The following PNKD variants were observed in gnomAD, a reference collection of about 807,000 sequenced individuals.
PNKD encodes PNKD metallo-beta-lactamase domain containing.
Under a neutral mutation model 45.3 loss-of-function variants are expected in PNKD, and 36 were observed. The ratio of observed to expected loss-of-function variants is 0.80; its 90% confidence interval spans 0.61 to 1.05. The LOEUF (loss-of-function observed/expected upper bound fraction) is 1.05. Among genes scored for constraint, PNKD ranks in the 50% least tolerant of loss-of-function variants. The pLI is 0.00. For synonymous variants in PNKD, 197 were observed against 210.1 expected, an observed-to-expected ratio of 0.94 and a Z score of 0.54; for missense variants, 511 against 506.6, an observed-to-expected ratio of 1.01 and a Z score of -0.08.
In PNKD at chr2:218,293,602, T is replaced by TTC. The variant is rs56393839; in HGVS notation, c.236+22053_236+22054insTC. On this transcript the variant is annotated intron_variant, in intron 2 of 9. Transcript: ENST00000273077. Reference sequence around the variant, plus strand: ...GTCCTTTTTTTTTTTTTTTTTTTTTTCCAGACAGGGTCTCGCTCTGTCACC... The same window carrying TTC: ...GTCCTTTTTTTTTTTTTTTTTTTTTTTCCCAGACAGGGTCTCGCTCTGTCACC... 3.0e-3 allele frequency among the ~76,000 whole-genome samples: 444 copies of TTC among 147,394 alleles called. 7 individuals carry two copies. Among genetic ancestry groups the TTC allele is most frequent in the African/African-American group, 0.011 (420 of 39,868 alleles).
At chr2:218,293,578 T>TC (rs1440779455) in intron 2 of PNKD, among the ~76,000 whole-genome samples, 2 of 105,666 alleles carry the variant, frequency 1.9e-5, no homozygotes, top group Non-Finnish European at 4.1e-5. Context: ...CCACTGAATG[T>TC]CCTTTTTTTT....
chr2:218,343,664 C>G, intron 8 of PNKD, 78 bp downstream of exon 8: 1 of 1,098,488 alleles, frequency 9.1e-7, no homozygotes, highest in Non-Finnish European at 1.4e-6. Context: ...CCCCCTCACT[C>G]CCCTAGAAAG....
intron 2 of PNKD, chr2:218,277,169 C>T: frequency 7.3e-7 from 1 of 1,368,684 alleles, no homozygotes; most frequent in African/African-American, 1.4e-5. Flanking sequence ...CTGGCCCTGC[C>T]AGGGAGTCCC....
rs369221098 is a variant in PNKD, at chr2:218,340,888, C to A, written c.524+102C>A. ...GGGGCCAGAGATCAAGAAGTCAGTA[C>A]GGGCCGGCACCCGCCTTCCTCGTGA... On this transcript the variant is annotated intron_variant, in intron 5 of 9. Transcript: ENST00000273077. This position sits in a 1 kb window ranked among gnomAD's most constrained non-coding sequence, Gnocchi z 4.2. The A allele has an allele frequency of 2.1e-6, 2 of 952,910 alleles. No homozygotes were observed. Among genetic ancestry groups the A allele is most frequent in the Non-Finnish European group, 3.4e-6 (2 of 581,532 alleles). The allele number at this position is 952,910 out of a possible 1,614,324, so 59.0% of individuals were successfully genotyped here.
intron 2 of PNKD, among the ~76,000 whole-genome samples, chr2:218,293,796 G>C (rs1327680220): frequency 7.6e-6 from 1 of 132,100 alleles, no homozygotes; most frequent in Middle Eastern, 3.7e-3. Flanking sequence ...TTGTTTTGTA[G>C]AGATGGGTTT....
At chr2:218,272,888 C>T in intron 2 of PNKD, 1 of 1,578,794 alleles carries the variant, frequency 6.3e-7, no homozygotes, top group South Asian at 1.1e-5. Context: ...CCCTACCCTG[C>T]CCCACACCAA....
At chr2:218,282,051 C>G (rs200149625) in intron 2 of PNKD, 4 of 1,601,812 alleles carry the variant, frequency 2.5e-6, no homozygotes, top group Non-Finnish European at 3.4e-6. Flanking sequence ...CCTGGCAGGA[C>G]AGATGGCTGC....
rs368354939 is a variant in PNKD, at chr2:218,296,691, CTTTT to C, written c.236+25144_236+25147del. On this transcript the variant is annotated intron_variant, in intron 2 of 9. Coordinates refer to ENST00000273077, the MANE Select transcript of PNKD (RefSeq NM_015488.5). ...TTTCTTTTTCTTTCTTTCTTTCTTTCTTTTTGAGATGGAGTCTCACTCTGTCACC... is the reference window on the plus strand; with the variant it reads ...TTTCTTTTTCTTTCTTTCTTTCTTTCTGAGATGGAGTCTCACTCTGTCACC... 2.2e-3 allele frequency among the ~76,000 whole-genome samples: 333 copies of C among 151,918 alleles called. 3 individuals are homozygous for C. Among genetic ancestry groups the C allele is most frequent in the African/African-American group, 7.5e-3 (309 of 41,412 alleles).
chr2:218,289,008 G>C (rs1692739072), intron 2 of PNKD, among the ~76,000 whole-genome samples: 1 of 152,220 alleles, frequency 6.6e-6, no homozygotes, highest in African/African-American at 2.4e-5. Context: ...CAGCAGAGAT[G>C]AGTTTAAGCA....
intron 2 of PNKD, chr2:218,280,341 G>T (rs78376547): frequency 2.8e-5 from 14 of 505,772 alleles, no homozygotes; most frequent in Non-Finnish European, 5.0e-5. Context: ...CGTTCCTCAC[G>T]TGCATCTGTG....
Position 218,342,119 on chromosome 2 carries a change from G to T in PNKD, c.756G>T (p.Gly252=). The change falls in exon 7 of 10, where the codon GGG becomes GGT. Residue 252 remains glycine, a synonymous_variant. Coordinates refer to ENST00000273077, the MANE Select transcript of PNKD (RefSeq NM_015488.5). ...PYKGPSCLFS[G]DLLFLSGCGR... ...AGGGTCCCTCCTGCCTCTTCTCAGG[G>T]GACCTGCTCTTCCTCTCTGGCTGTG... 6.2e-7 allele frequency: 1 copy of T among 1,613,712 alleles called. No homozygotes were observed. The highest frequency in any genetic ancestry group is 8.5e-7 in the Non-Finnish European group (1 of 1,179,942).
In PNKD at chr2:218,278,567, T is replaced by G. The variant is rs1001934428; in HGVS notation, c.236+7018T>G. 8 of 1,613,950 alleles carry G rather than the reference T, an allele frequency of 5.0e-6. No individual in the cohort carries two copies. The African/African-American group carries it at 1.1e-4, about 22-fold the overall frequency. On this transcript the variant is annotated intron_variant, in intron 2 of 9. Transcript: ENST00000273077. ...AGGTAGGTGACAACGAAGACAGCAC[T>G]AGGGACAAAGAGATGGGGAAGCAGT...
At chr2:218,324,508 G>A (rs1352593999) in intron 2 of PNKD, among the ~76,000 whole-genome samples, 3 of 152,228 alleles carry the variant, frequency 2.0e-5, no homozygotes, top group South Asian at 2.1e-4. Flanking sequence ...GGTGCTGGAG[G>A]GTGGGGTGGG....
At chr2:218,277,739 C>A (rs1470168508) in intron 2 of PNKD, 1 of 1,597,902 alleles carries the variant, frequency 6.3e-7, no homozygotes. Flanking sequence ...GGGGGAGTGG[C>A]CATGGTGGCC....
At chr2:218,304,600 G>T (rs1693361387) in intron 2 of PNKD, among the ~76,000 whole-genome samples, 1 of 152,164 alleles carries the variant, frequency 6.6e-6, no homozygotes, top group African/African-American at 2.4e-5. Flanking sequence ...TTCCCAGTTT[G>T]CCTGTGTCAT....
chr2:218,324,899 G>T (rs2106277026), intron 2 of PNKD, among the ~76,000 whole-genome samples: 1 of 150,092 alleles, frequency 6.7e-6, no homozygotes, highest in African/African-American at 2.5e-5. Context: ...CGCAGCCATT[G>T]CACTCCAGCC....
intron 2 of PNKD, among the ~76,000 whole-genome samples, chr2:218,338,885 C>T (rs1310001576): frequency 2.0e-5 from 3 of 151,620 alleles, no homozygotes; most frequent in South Asian, 2.1e-4. Flanking sequence ...TTCACCCTCC[C>T]GGGCTCAAGC....
chr2:218,334,452 A>G (rs1016486200), intron 2 of PNKD, among the ~76,000 whole-genome samples: 1 of 152,102 alleles, frequency 6.6e-6, no homozygotes, highest in Non-Finnish European at 1.5e-5. Flanking sequence ...AGCCTGGGCA[A>G]CATTTGAAGA....
At position 218,345,223 on chromosome 2, in the gene PNKD, A is replaced by G. The variant is rs1197264045; in HGVS notation, c.*242A>G. On this transcript the variant is annotated 3_prime_UTR_variant, in exon 10 of 10. Transcript: ENST00000273077. ...GCTGCCTCATCAACGGCAAGAGGAA[A>G]GGAGGGGTCTCGGGACATCTCCAGA... The G allele has an allele frequency of 1.8e-6, 1 of 555,176 alleles. No homozygotes were observed. The allele number at this position is 555,176 out of a possible 1,614,324, so 34.4% of individuals were successfully genotyped here. A position where few individuals can be genotyped will look rare whatever the true frequency, so the allele number is the denominator to read the frequency against.
Sources: gnomAD v4.1 joint callset for allele counts (sites outside exome capture counted in the v4.1 genomes callset) on GRCh38, gnomAD v4.1.1 for gene constraint, Gnocchi (gnomAD v3.1) non-coding constraint, MANE v1.5 for transcripts, NCBI Gene and HGNC (gene_info 2026-07-23, HGNC 2026-07-21) for gene names.